Variants in PAFAH1B2 observed in about 807,000 individuals in gnomAD.
PAFAH1B2 encodes the protein platelet activating factor acetylhydrolase 1b catalytic subunit 2.
PAFAH1B2 carries 8 observed loss-of-function variants against 28.0 expected under a neutral mutation model. The ratio of observed to expected loss-of-function variants is 0.29; its 90% CI spans 0.17 to 0.52. PAFAH1B2 has a LOEUF of 0.52. Among genes scored for constraint, PAFAH1B2 ranks in the 20% least tolerant of loss-of-function variants. PAFAH1B2 has a pLI of 0.97. For synonymous variants in PAFAH1B2, 104 were observed against 103.2 expected, an observed-to-expected ratio of 1.01 and a Z score of -0.05; for missense variants, 190 against 282.6, an observed-to-expected ratio of 0.67 and a Z score of 2.35.
intron 1 of PAFAH1B2, among the ~76,000 whole-genome samples, chr11:117,151,987 G>A (rs142346826): frequency 4.4e-4 from 67 of 152,306 alleles, no homozygotes; most frequent in African/African-American, 8.7e-4. Context: ...GGGATTACAG[G>A]TGTGAGCCAC....
At chr11:117,175,025 G>T, downstream of PAFAH1B2, 6 of 1,396,100 alleles carry the variant, frequency 4.3e-6, no homozygotes, top group Non-Finnish European at 5.6e-6. Flanking sequence ...GGACTCATGG[G>T]TCCAGCAAGC....
Position 117,170,145 on chromosome 11 carries a change from T to G in PAFAH1B2, c.*2446T>G. ...TTAGGTAAAAATAGTTAATCTATTT[T>G]TCTTTGACATCCTAGTTTGCGTCAG... On this transcript the variant is annotated 3_prime_UTR_variant, in exon 6 of 6. Transcript: ENST00000527958. 9.5e-7 allele frequency: 1 copy of G among 1,055,218 alleles called. No individual in the cohort carries two copies. The highest frequency in any genetic ancestry group is 1.1e-6 in the Non-Finnish European group (1 of 872,910). The allele number at this position is 1,055,218 out of a possible 1,614,324, so 65.4% of individuals were successfully genotyped here.
intron 5 of PAFAH1B2, among the ~76,000 whole-genome samples, chr11:117,164,880 A>C (rs1956466254): frequency 6.6e-6 from 1 of 151,420 alleles, no homozygotes; most frequent in Non-Finnish European, 1.5e-5. Context: ...CTAAAAATAC[A>C]AAAAAATTAG....
At chr11:117,148,105 G>A (rs1010939127) in intron 1 of PAFAH1B2, among the ~76,000 whole-genome samples, 4 of 148,288 alleles carry the variant, frequency 2.7e-5, no homozygotes, top group South Asian at 4.2e-4. Context: ...AGAGTGGGGT[G>A]CAGTGGTGTG....
At chr11:117,147,263 T>G (rs919542893) in intron 1 of PAFAH1B2, among the ~76,000 whole-genome samples, 2 of 152,114 alleles carry the variant, frequency 1.3e-5, no homozygotes, top group Non-Finnish European at 2.9e-5. Flanking sequence ...AGCGAAACTC[T>G]GTCTCAAAAA....
chr11:117,146,466 C>A (rs1020127834), intron 1 of PAFAH1B2, among the ~76,000 whole-genome samples: 3 of 152,102 alleles, frequency 2.0e-5, no homozygotes, highest in African/African-American at 4.8e-5. Flanking sequence ...GCAGATAATT[C>A]TTCGTTTCAA....
chr11:117,164,388 CAG>C (rs1475679526), intron 5 of PAFAH1B2, among the ~76,000 whole-genome samples: 1 of 134,620 alleles, frequency 7.4e-6, no homozygotes, highest in African/African-American at 2.8e-5. Flanking sequence ...GCCTGGGTGA[CAG>C]AGCGAGACTC....
chr11:117,146,133 T>G (rs1956000913), intron 1 of PAFAH1B2, among the ~76,000 whole-genome samples: 1 of 129,308 alleles, frequency 7.7e-6, no homozygotes, highest in African/African-American at 3.0e-5. Flanking sequence ...TTTTTTTTTT[T>G]GTGTGTGTGA....
intron 2 of PAFAH1B2, among the ~76,000 whole-genome samples, chr11:117,158,526 C>T (rs1317460912): frequency 6.6e-6 from 1 of 151,910 alleles, no homozygotes; most frequent in Non-Finnish European, 1.5e-5. Flanking sequence ...CATGGATCCT[C>T]ATTGGATCAT....
At chr11:117,166,217 T>C (rs941760481) in intron 5 of PAFAH1B2, among the ~76,000 whole-genome samples, 10 of 152,224 alleles carry the variant, frequency 6.6e-5, no homozygotes, top group Non-Finnish European at 1.0e-4. Context: ...AGATCTTTTT[T>C]ATTACAAGGC....
At chr11:117,144,670 G>C (rs1409310012) in intron 1 of PAFAH1B2, among the ~76,000 whole-genome samples, 2 of 152,120 alleles carry the variant, frequency 1.3e-5, no homozygotes, top group African/African-American at 4.8e-5. Context: ...CATACCGAAA[G>C]CTGGCGTTTC....
chr11:117,168,504 T>C lies in PAFAH1B2; in HGVS notation c.*805T>C, dbSNP rs1956573396. On this transcript the variant is annotated 3_prime_UTR_variant, in exon 6 of 6. Transcript: ENST00000527958. The stretch of plus-strand genomic sequence containing the variant: ...GTTGACATTACAAGCTTTTAACACA[T>C]TTTTGACCTAGGAGCCCTGTTGCTG... 2 of 955,910 alleles carry C rather than the reference T, an allele frequency of 2.1e-6. No homozygotes were observed. The highest frequency in any genetic ancestry group is 2.5e-6 in the Non-Finnish European group (2 of 807,462). The allele number at this position is 955,910 out of a possible 1,614,324, so 59.2% of individuals were successfully genotyped here.
chr11:117,176,170 T>C, exon 6 of PAFAH1B2: 1 of 531,052 alleles, frequency 1.9e-6, no homozygotes, highest in Non-Finnish European at 3.3e-6. Flanking sequence ...ATCTGTATAA[T>C]GAGGGGTTGG....
Position 117,169,721 on chromosome 11 carries a change from G to T in PAFAH1B2, c.*2022G>T. On this transcript the variant is annotated 3_prime_UTR_variant, in exon 6 of 6. Transcript: ENST00000527958. ...TTCCTTTTTATTTTTAGTAGCCCAG[G>T]TTGAGTTTTTCACAAGAGATTTTTT... The T allele has an allele frequency of 9.5e-7, 1 of 1,057,718 alleles. No homozygotes were observed. Among genetic ancestry groups the T allele is most frequent in the Non-Finnish European group, 1.1e-6 (1 of 874,814 alleles). 65.5% of individuals were successfully genotyped at this position (1,057,718 alleles called of 1,614,324 possible).
intron 5 of PAFAH1B2, among the ~76,000 whole-genome samples, chr11:117,166,057 T>G (rs1591752127): frequency 6.6e-6 from 1 of 152,096 alleles, no homozygotes; most frequent in Non-Finnish European, 1.5e-5. Flanking sequence ...GCCAGGCTGG[T>G]CTCGAACTCC....
Position 117,176,821 on chromosome 11 carries a change from G to A in PAFAH1B2, c.*1923G>A, listed in dbSNP as rs550300216. On this transcript the variant is annotated 3_prime_UTR_variant, in exon 6 of 6. Coordinates refer to the PAFAH1B2 transcript ENST00000419197. The stretch of plus-strand genomic sequence containing the variant: ...GAACTCAGGAGGCGGAGATTGCAGT[G>A]AGCTGAGATCACACCACTGTACTCC... 2.7e-5 allele frequency: 4 copies of A among 148,078 alleles called. No individual in the cohort carries two copies. In the South Asian group the frequency reaches 8.6e-4, roughly 32 times the overall value. 9.2% of individuals were successfully genotyped at this position (148,078 alleles called of 1,614,324 possible).
intron 2 of PAFAH1B2, chr11:117,159,237 T>C (rs1956317927): frequency 6.6e-6 from 1 of 152,166 alleles, no homozygotes; most frequent in Non-Finnish European, 1.5e-5. Flanking sequence ...TTCAGTAGAA[T>C]TCTGGGTTTC....
chr11:117,168,445 C>CGTTT lies in PAFAH1B2; in HGVS notation c.*747_*750dup, dbSNP rs1359076423. On this transcript the variant is annotated 3_prime_UTR_variant, in exon 6 of 6. Transcript: ENST00000527958. Reference sequence around the variant, plus strand: ...TTCCCCTTCATTCCCCCCGCCACCCCGTTTTTTTTTTTTTTTTTTTTTTTT... The same window carrying CGTTT: ...TTCCCCTTCATTCCCCCCGCCACCCCGTTTGTTTTTTTTTTTTTTTTTTTTTTTT... 4,579 of 353,788 alleles carry CGTTT rather than the reference C, an allele frequency of 0.013. 720 individuals carry two copies. Among genetic ancestry groups the CGTTT allele is most frequent in the African/African-American group, 0.061 (1,145 of 18,836 alleles). The allele number at this position is 353,788 out of a possible 1,614,324, so 21.9% of individuals were successfully genotyped here.
chr11:117,152,541 G>C lies in PAFAH1B2; in HGVS notation c.81+13G>C, dbSNP rs752113968. 9.4e-5 allele frequency: 148 copies of C among 1,567,382 alleles called. No homozygotes were observed. Among genetic ancestry groups the C allele is most frequent in the Non-Finnish European group, 1.1e-4 (130 of 1,137,534 alleles). ...ATGGATGTCTCAGGTAAAAGGAAGT[G>C]CATGTGTATCATTCACATGAGTTGA... On this transcript the variant is annotated intron_variant, in intron 2 of 5. Transcript: ENST00000527958.
Sources: allele counts gnomAD v4.1 joint callset (sites outside exome capture counted in the v4.1 genomes callset), GRCh38; gene constraint gnomAD v4.1.1; transcripts MANE v1.5; gene names NCBI Gene and HGNC (gene_info 2026-07-23, HGNC 2026-07-21).